The following ULK2 variants were observed in gnomAD, a reference collection of about 807,000 sequenced individuals.
ULK2 encodes the protein serine/threonine-protein kinase ULK2.
A neutral mutation model predicts 127.5 loss-of-function variants in ULK2; 76 were observed. That is an observed-to-expected ratio of 0.60 (90% confidence interval 0.50 to 0.72). ULK2 has a LOEUF of 0.72. Among genes scored for constraint, ULK2 ranks in the 30% least tolerant of loss-of-function variants. The pLI is 0.00. For missense variants in ULK2, 1,144 were observed against 1,295.9 expected (o/e 0.88, Z 1.80); for synonymous variants, 452 against 461.9 (o/e 0.98, Z 0.28).
chr17:19,793,103 C>A (rs1052211154), intron 20 of ULK2, among the ~76,000 whole-genome samples: 5 of 152,078 alleles, frequency 3.3e-5, no homozygotes, highest in African/African-American at 1.2e-4. Context: ...AGGAAACTTA[C>A]GATTACAGTG....
chr17:19,836,439 G>A (rs181064275), intron 10 of ULK2, among the ~76,000 whole-genome samples: 5 of 151,656 alleles, frequency 3.3e-5, no homozygotes, highest in East Asian at 2.0e-4. Context: ...AAAATTAGCC[G>A]GGCATGGTGA....
intron 3 of ULK2, among the ~76,000 whole-genome samples, chr17:19,854,871 C>T (rs1232663826): frequency 3.3e-5 from 5 of 151,790 alleles, no homozygotes; most frequent in Admixed American, 6.6e-5. Context: ...GAGGCAGAGG[C>T]GAGTGGATCA....
chr17:19,777,314 G>A (rs113787557), intron 26 of ULK2, among the ~76,000 whole-genome samples: 72 of 152,230 alleles, frequency 4.7e-4, no homozygotes, highest in Non-Finnish European at 8.7e-4. Context: ...TATGTTGGCC[G>A]GGCTGGTCTT....
intron 3 of ULK2, among the ~76,000 whole-genome samples, chr17:19,863,496 GT>G (rs774471418): frequency 0.1 from 13,557 of 131,850 alleles, 1,133 homozygotes; most frequent in East Asian, 0.39. Flanking sequence ...TGTGATTCTA[GT>G]TTTTTTTTTT....
intron 20 of ULK2, among the ~76,000 whole-genome samples, chr17:19,791,452 A>G (rs2087150859): frequency 6.6e-6 from 1 of 152,162 alleles, no homozygotes; most frequent in Non-Finnish European, 1.5e-5. Flanking sequence ...TAGGAGGCCG[A>G]GGCAGGCAAA....
chr17:19,801,842 G>A lies in ULK2; in HGVS notation c.1376C>T (p.Thr459Ile), dbSNP rs756366888. The change falls in exon 16 of 27, where the codon ACA becomes ATA. Residue 459 changes from threonine to isoleucine, a missense_variant. This residue lies in a region of ULK2 where 913 missense variants were observed against 970.5 expected (regional missense o/e 0.94). Coordinates refer to ENST00000395544, the MANE Select transcript of ULK2 (RefSeq NM_014683.4). ...PGSCSPVPAD[T>I]AQTVGRRLST... ...GAGCCTTCGTCCAACTGTCTGTGCT[G>A]TGTCTGCTGGTACTGGGGAGCATGA... The A allele has an allele frequency of 2.0e-5, 33 of 1,614,122 alleles. No homozygotes were observed. Among genetic ancestry groups the A allele is most frequent in the African/African-American group, 1.3e-4 (10 of 74,956 alleles).
chr17:19,792,675 T>A (rs552526804), intron 20 of ULK2, among the ~76,000 whole-genome samples: 1 of 152,172 alleles, frequency 6.6e-6, no homozygotes, highest in East Asian at 1.9e-4. Context: ...TGAGCCAAGA[T>A]GATGCCACTG....
intron 14 of ULK2, among the ~76,000 whole-genome samples, chr17:19,805,954 T>C (rs1187563541): frequency 1.3e-5 from 2 of 152,258 alleles, no homozygotes; most frequent in Admixed American, 6.5e-5. Context: ...TGTGCTTCTA[T>C]GAGCTCTCTC....
intron 16 of ULK2, among the ~76,000 whole-genome samples, chr17:19,801,186 C>T (rs138584294): frequency 6.6e-6 from 1 of 152,260 alleles, no homozygotes; most frequent in East Asian, 1.9e-4. Flanking sequence ...GCATTTAGAG[C>T]CCAATCCCAA....
Position 19,822,750 on chromosome 17 carries a change from G to A in ULK2, c.924+2344C>T, listed in dbSNP as rs566429547. Among the ~76,000 whole-genome samples, 4 of 151,986 alleles carry A rather than the reference G, an allele frequency of 2.6e-5. No homozygotes were observed. The East Asian group carries it at 5.8e-4, about 22-fold the overall frequency. On this transcript the variant is annotated intron_variant, in intron 12 of 26. Coordinates refer to ENST00000395544, the MANE Select transcript of ULK2 (RefSeq NM_014683.4). ...CGCTCAGGCTGGAGTGCAGTTGAGC[G>A]ATCTTAGCTCACTGCAACCTCCGCC...
intron 9 of ULK2, among the ~76,000 whole-genome samples, chr17:19,840,999 G>C (rs575661296): frequency 2.6e-4 from 40 of 151,976 alleles, no homozygotes; most frequent in Non-Finnish European, 5.1e-4. Flanking sequence ...CACAAAATAT[G>C]ATGTAATTTG....
At chr17:19,790,492 AC>A (rs1422674907) in intron 20 of ULK2, among the ~76,000 whole-genome samples, 3 of 152,324 alleles carry the variant, frequency 2.0e-5, no homozygotes, top group African/African-American at 7.2e-5. Flanking sequence ...AAATAAAAAA[AC>A]ATACACTGGA....
In ULK2 at chr17:19,796,332, A is replaced by G. The variant is rs1597726096; in HGVS notation, c.1810-50T>C. 2.7e-6 allele frequency: 4 copies of G among 1,501,406 alleles called. No homozygotes were observed. The East Asian group carries it at 9.8e-5, about 37-fold the overall frequency. 93.0% of individuals were successfully genotyped at this position (1,501,406 alleles called of 1,614,324 possible). Reference sequence around the variant, plus strand: ...ATATGTAAACTAGTTAATACGATGCATGAACTATTCAGTACTGGCAGGTTT... The same window carrying G: ...ATATGTAAACTAGTTAATACGATGCGTGAACTATTCAGTACTGGCAGGTTT... On this transcript the variant is annotated intron_variant, in intron 18 of 26. Transcript: ENST00000395544.
chr17:19,864,982 G>A (rs2042323052), intron 2 of ULK2, 138 bp from the exon 3 acceptor site: 1 of 335,616 alleles, frequency 3.0e-6, no homozygotes, highest in Non-Finnish European at 5.4e-6. Flanking sequence ...TTCAATTAAA[G>A]AATAAGAAAT....
chr17:19,832,175 C>T (rs1444532267), intron 10 of ULK2, among the ~76,000 whole-genome samples: 1 of 150,692 alleles, frequency 6.6e-6, no homozygotes, highest in Non-Finnish European at 1.5e-5. Context: ...TAACTTCATG[C>T]TTATGGAACT....
At position 19,785,991 on chromosome 17, in the gene ULK2, T is replaced by C; in HGVS notation, c.2197A>G (p.Ser733Gly). ...TGGGTACAAGTGGGGGCTGCCGCAC[T>C]GTGTGGAGGAGACCCTACAGTGAAG... is the stretch of plus-strand genomic sequence containing the variant. Reference protein sequence around the residue: ...VLFTVGSPPHSAAAPTCTHMF... With the variant: ...VLFTVGSPPHGAAAPTCTHMF... The change falls in exon 21 of 27, where the codon AGT becomes GGT. Residue 733 changes from serine to glycine, a missense_variant. By Grantham distance (56) the Ser-to-Gly change is moderately conservative. Coordinates refer to ENST00000395544, the MANE Select transcript of ULK2 (RefSeq NM_014683.4). The C allele has an allele frequency of 1.9e-6, 3 of 1,589,690 alleles. No individual in the cohort carries two copies. Among genetic ancestry groups the C allele is most frequent in the South Asian group, 1.1e-5 (1 of 87,556 alleles).
intron 13 of ULK2, among the ~76,000 whole-genome samples, chr17:19,813,997 A>T (rs1254942602): frequency 6.6e-6 from 1 of 152,130 alleles, no homozygotes; most frequent in Non-Finnish European, 1.5e-5. Flanking sequence ...AGTGATTCTG[A>T]AGAATACTGA....
intron 1 of ULK2, 143 bp downstream of exon 1, chr17:19,867,185 C>T (rs980176356): frequency 8.1e-6 from 5 of 614,230 alleles, no homozygotes; most frequent in Non-Finnish European, 1.3e-5. Flanking sequence ...CCAAAACAAA[C>T]GGCGAGACGG....
At chr17:19,797,910 T>C (rs2087310345) in intron 17 of ULK2, among the ~76,000 whole-genome samples, 1 of 152,162 alleles carries the variant, frequency 6.6e-6, no homozygotes, top group African/African-American at 2.4e-5. Flanking sequence ...TACAGGTTAT[T>C]AGCTGTTTTT....
Sources: allele counts gnomAD v4.1 joint callset (sites outside exome capture counted in the v4.1 genomes callset), GRCh38; gene constraint gnomAD v4.1.1; regional missense constraint gnomAD v4.1.1; transcripts MANE v1.5; gene names NCBI Gene and HGNC (gene_info 2026-07-23, HGNC 2026-07-21).